The following LPP variants were observed in gnomAD, a reference collection of about 807,000 sequenced individuals.
LPP encodes LIM domain containing preferred translocation partner in lipoma.
LPP carries 38 observed loss-of-function variants against 60.4 expected under a neutral mutation model. The observed-to-expected ratio is 0.63, with a 90% CI of 0.49 to 0.83. The LOEUF (loss-of-function observed/expected upper bound fraction) is 0.83, where lower values mean the gene tolerates loss of function less well. Ranked by LOEUF, LPP falls within the 40% of genes least tolerant of loss-of-function variation. The pLI is 0.00. For missense variants in LPP, 902 were observed against 783.6 expected (o/e 1.15, Z -1.80); for synonymous variants, 328 against 290.8 (o/e 1.13, Z -1.30).
intron 2 of LPP, among the ~76,000 whole-genome samples, chr3:188,276,436 T>C (rs1739724175): frequency 6.6e-6 from 1 of 152,048 alleles, no homozygotes; most frequent in Admixed American, 6.5e-5. Context: ...GAAAGAGTGG[T>C]TCGTGGCCCT....
chr3:188,264,446 T>C (rs1343291644), intron 2 of LPP, among the ~76,000 whole-genome samples: 1 of 152,088 alleles, frequency 6.6e-6, no homozygotes, highest in Non-Finnish European at 1.5e-5. Context: ...GAATATGTTA[T>C]TCTCTGAATC....
In LPP at chr3:188,878,614, G is replaced by A. The variant is rs147256711; in HGVS notation, c.*4135G>A. On this transcript the variant is annotated 3_prime_UTR_variant, in exon 12 of 12. Coordinates refer to ENST00000617246, the MANE Select transcript of LPP (RefSeq NM_001375462.1). ...GGGATCGCTCGTTTGGTGCACTCTCGTGGGAGACAATCAGAGAACAACATA... is the reference window on the plus strand; with the variant it reads ...GGGATCGCTCGTTTGGTGCACTCTCATGGGAGACAATCAGAGAACAACATA... 2.0e-3 allele frequency: 408 copies of A among 208,824 alleles called. 1 individual carries two copies. Among genetic ancestry groups the A allele is most frequent in the Non-Finnish European group, 3.4e-3 (345 of 102,272 alleles). 12.9% of individuals were successfully genotyped at this position (208,824 alleles called of 1,614,324 possible).
At chr3:188,857,087 C>T (rs985951932) in intron 9 of LPP, among the ~76,000 whole-genome samples, 10 of 152,128 alleles carry the variant, frequency 6.6e-5, no homozygotes, top group Admixed American at 3.9e-4. Context: ...ATGCCATCTG[C>T]GTCCTGGACT....
chr3:188,550,342 G>A (rs1440591429), intron 6 of LPP, among the ~76,000 whole-genome samples: 1 of 152,104 alleles, frequency 6.6e-6, no homozygotes, highest in Non-Finnish European at 1.5e-5. Context: ...ACTTTGGGAG[G>A]CCGAGGCGGG....
chr3:188,353,719 G>T (rs1766645394), intron 3 of LPP, among the ~76,000 whole-genome samples: 2 of 152,168 alleles, frequency 1.3e-5, no homozygotes, highest in African/African-American at 4.8e-5. Context: ...AAAGAATTAT[G>T]GGGCCTCAGG....
At chr3:188,705,107 T>C (rs1056561287) in intron 7 of LPP, among the ~76,000 whole-genome samples, 4 of 152,220 alleles carry the variant, frequency 2.6e-5, no homozygotes, top group Non-Finnish European at 5.9e-5. Context: ...TAAAAAGATT[T>C]ATATTCATGG....
chr3:188,688,688 A>G (rs1861409504), intron 7 of LPP: 1 of 434,074 alleles, frequency 2.3e-6, no homozygotes, highest in Admixed American at 3.1e-5. Context: ...CAACATCTAA[A>G]TATGGCTTGT....
At chr3:188,704,581 T>A (rs1865107498) in intron 7 of LPP, among the ~76,000 whole-genome samples, 1 of 152,180 alleles carries the variant, frequency 6.6e-6, no homozygotes, top group African/African-American at 2.4e-5. Flanking sequence ...TGCTCTCCCA[T>A]TCACCCTCTA....
rs112442494 is a variant in LPP, at chr3:188,811,964, A to T, written c.1410+51682A>T. On this transcript the variant is annotated intron_variant, in intron 9 of 11. Transcript: ENST00000617246. ...ATGGGGTATCCATCTCCCTTCAAGC[A>T]TTTGTCCTTTGTGTTGCAGATCATT... 8.3e-4 allele frequency among the ~76,000 whole-genome samples: 126 copies of T among 152,080 alleles called. 1 individual carries two copies. The highest frequency in any genetic ancestry group is 3.0e-3 in the African/African-American group (123 of 41,502).
chr3:188,306,195 C>G (rs1338614872), intron 2 of LPP, among the ~76,000 whole-genome samples: 2 of 152,076 alleles, frequency 1.3e-5, no homozygotes, highest in African/African-American at 4.8e-5. Context: ...ATTCTCCTGC[C>G]TCAGCCTCCC....
chr3:188,304,698 AAAT>A, intron 2 of LPP, among the ~76,000 whole-genome samples: 1 of 152,324 alleles, frequency 6.6e-6, no homozygotes, highest in South Asian at 2.1e-4. Context: ...TGTAGACTTG[AAAT>A]ATCTTGAGCA....
At chr3:188,508,598 G>T (rs190377375) in intron 5 of LPP, among the ~76,000 whole-genome samples, 74 of 152,332 alleles carry the variant, frequency 4.9e-4, no homozygotes, top group Admixed American at 8.5e-4. Flanking sequence ...ACACTCAGAA[G>T]ACTTTATTAA....
chr3:188,634,079 A>C (rs1390947489), intron 7 of LPP, among the ~76,000 whole-genome samples: 1 of 152,248 alleles, frequency 6.6e-6, no homozygotes, highest in East Asian at 1.9e-4. Flanking sequence ...TATAAAGAAT[A>C]GTTACATAAA....
At chr3:188,332,700 A>G (rs1760449740) in intron 2 of LPP, among the ~76,000 whole-genome samples, 1 of 152,232 alleles carries the variant, frequency 6.6e-6, no homozygotes, top group Non-Finnish European at 1.5e-5. Context: ...AAAACTAGGC[A>G]TTATGGTAGT....
chr3:188,721,458 A>T (rs1716353059), intron 8 of LPP, among the ~76,000 whole-genome samples: 1 of 152,092 alleles, frequency 6.6e-6, no homozygotes, highest in Non-Finnish European at 1.5e-5. Context: ...TGAGGCTGAG[A>T]TAGGAGGATC....
intron 5 of LPP, among the ~76,000 whole-genome samples, chr3:188,487,906 A>G (rs1807066444): frequency 6.6e-6 from 1 of 152,178 alleles, no homozygotes; most frequent in Admixed American, 6.5e-5. Flanking sequence ...ACTAAGAGTG[A>G]TTATAAGAGT....
chr3:188,415,775 C>CGGG (rs57821014), intron 4 of LPP, among the ~76,000 whole-genome samples: 2 of 133,588 alleles, frequency 1.5e-5, no homozygotes, highest in African/African-American at 2.7e-5. Context: ...ATGGGTGGGT[C>CGGG]GGGGGGGGGC....
chr3:188,540,827 A>T (rs886762157), intron 6 of LPP, among the ~76,000 whole-genome samples: 1 of 152,240 alleles, frequency 6.6e-6, no homozygotes, highest in Non-Finnish European at 1.5e-5. Context: ...ATGATGTCCC[A>T]TCCAACTCTC....
intron 6 of LPP, among the ~76,000 whole-genome samples, chr3:188,594,074 G>A (rs1446129187): frequency 1.3e-5 from 2 of 152,126 alleles, no homozygotes; most frequent in Non-Finnish European, 2.9e-5. Flanking sequence ...CTGAAGATAG[G>A]AATATTAGAA....
Sources: allele counts gnomAD v4.1 joint callset (sites outside exome capture counted in the v4.1 genomes callset), GRCh38; gene constraint gnomAD v4.1.1; transcripts MANE v1.5; gene names NCBI Gene and HGNC (gene_info 2026-07-23, HGNC 2026-07-21).